The following MAN1A2 variants were observed in gnomAD, a reference collection of about 807,000 sequenced individuals.
MAN1A2 encodes mannosyl-oligosaccharide 1,2-alpha-mannosidase IB.
A neutral mutation model predicts 75.7 loss-of-function variants in MAN1A2; 26 were observed. That is an observed-to-expected ratio of 0.34 (90% CI 0.25 to 0.48). The LOEUF is 0.48. MAN1A2 is among the 20% of genes least tolerant of loss of function. MAN1A2 has a pLI of 0.99. For missense variants in MAN1A2, 562 were observed against 775.5 expected (o/e 0.72, Z 3.27); for synonymous variants, 247 against 264.6 (o/e 0.93, Z 0.65).
chr1:117,378,779 A>T (rs891076638), intron 1 of MAN1A2, among the ~76,000 whole-genome samples: 6 of 152,158 alleles, frequency 3.9e-5, no homozygotes, highest in Non-Finnish European at 8.8e-5. Context: ...TTCCCTGATT[A>T]CTAGAGGTGA....
At chr1:117,482,419 G>A (rs913384290) in intron 8 of MAN1A2, among the ~76,000 whole-genome samples, 2 of 151,992 alleles carry the variant, frequency 1.3e-5, no homozygotes, top group African/African-American at 2.4e-5. Context: ...TCTAACTTGC[G>A]TGAGATGGTA....
intron 1 of MAN1A2, among the ~76,000 whole-genome samples, chr1:117,377,375 T>C (rs1013523645): frequency 6.6e-6 from 1 of 152,248 alleles, no homozygotes; most frequent in Admixed American, 6.5e-5. Context: ...TTGGTGTAAA[T>C]GTAAATTAAT....
intron 5 of MAN1A2, among the ~76,000 whole-genome samples, chr1:117,439,103 C>T (rs531493791): frequency 3.6e-4 from 55 of 152,110 alleles, no homozygotes; most frequent in African/African-American, 1.0e-3. Flanking sequence ...GACAGTGAAA[C>T]GAAAACATAC....
intron 1 of MAN1A2, among the ~76,000 whole-genome samples, chr1:117,370,373 G>A (rs904441169): frequency 6.6e-6 from 1 of 152,154 alleles, no homozygotes; most frequent in Non-Finnish European, 1.5e-5. Flanking sequence ...TTCGGTTCCT[G>A]AGTTTTGGAA....
At chr1:117,396,421 A>G (rs1298937765) in intron 1 of MAN1A2, among the ~76,000 whole-genome samples, 2 of 152,230 alleles carry the variant, frequency 1.3e-5, no homozygotes, top group Non-Finnish European at 2.9e-5. Context: ...GATCTTTACA[A>G]ATGAAAGTCT....
chr1:117,480,766 A>G (rs548510527), intron 8 of MAN1A2, among the ~76,000 whole-genome samples: 132 of 151,996 alleles, frequency 8.7e-4, no homozygotes, highest in Non-Finnish European at 1.6e-3. Flanking sequence ...TTCCCTCTGA[A>G]CAACATGAAA....
At chr1:117,521,968 G>C (rs540865612) in intron 12 of MAN1A2, among the ~76,000 whole-genome samples, 1 of 151,892 alleles carries the variant, frequency 6.6e-6, no homozygotes, top group Non-Finnish European at 1.5e-5. Context: ...ACTGATATGT[G>C]GGAGCTAAGC....
At chr1:117,383,452 A>G (rs1351830518) in intron 1 of MAN1A2, among the ~76,000 whole-genome samples, 2 of 152,184 alleles carry the variant, frequency 1.3e-5, no homozygotes, top group Non-Finnish European at 2.9e-5. Context: ...TTTGGTATCA[A>G]GATAATTACT....
At chr1:117,416,319 T>C (rs1310022588) in intron 4 of MAN1A2, among the ~76,000 whole-genome samples, 1 of 152,186 alleles carries the variant, frequency 6.6e-6, no homozygotes, top group African/African-American at 2.4e-5. Context: ...GCTTGATGTC[T>C]GTATCTGAAT....
chr1:117,388,510 A>G (rs897159339), intron 1 of MAN1A2, among the ~76,000 whole-genome samples: 1 of 152,154 alleles, frequency 6.6e-6, no homozygotes, highest in African/African-American at 2.4e-5. Context: ...GAAGCTCATA[A>G]TTGTGGCAGA....
At chr1:117,421,142 A>G (rs528513901) in intron 5 of MAN1A2, among the ~76,000 whole-genome samples, 1 of 152,168 alleles carries the variant, frequency 6.6e-6, no homozygotes, top group Admixed American at 6.5e-5. Context: ...TTGAGACCTA[A>G]GGTGATGGAG....
At chr1:117,514,871 C>G in intron 12 of MAN1A2, 1 of 532,990 alleles carries the variant, frequency 1.9e-6, no homozygotes, top group Non-Finnish European at 3.9e-6. Context: ...CATGAGAGAA[C>G]TGTTTTTCCA....
At chr1:117,418,196 G>A (rs548539986) in intron 4 of MAN1A2, among the ~76,000 whole-genome samples, 1 of 152,116 alleles carries the variant, frequency 6.6e-6, no homozygotes, top group African/African-American at 2.4e-5. Flanking sequence ...AATGCAACAG[G>A]CACTGTTCTA....
chr1:117,458,523 A>ATATTTTTTT (rs1553236643), intron 6 of MAN1A2, among the ~76,000 whole-genome samples: 2 of 105,610 alleles, frequency 1.9e-5, no homozygotes, highest in African/African-American at 3.5e-5. Context: ...ATATATATAT[A>ATATTTTTTT]TTTTTTTTTT....
At position 117,367,758 on chromosome 1, in the gene MAN1A2, A is replaced by C. The variant is rs1317561093; in HGVS notation, c.-426A>C. On this transcript the variant is annotated 5_prime_UTR_variant, in exon 1 of 13. Transcript: ENST00000356554. ...GATTCTGGAATAGAAGCGTCGAAGG[A>C]GATCAAGTGAACCTTCTACAACTCC... The C allele has an allele frequency of 6.2e-6, 1 of 160,686 alleles. No individual in the cohort carries two copies. The highest frequency in any genetic ancestry group is 1.8e-4 in the East Asian group (1 of 5,406). The allele number at this position is 160,686 out of a possible 1,614,324, so 10.0% of individuals were successfully genotyped here.
chr1:117,458,582 G>A (rs182625182), intron 6 of MAN1A2, among the ~76,000 whole-genome samples: 1,934 of 141,870 alleles, frequency 0.014, 23 homozygotes, highest in Non-Finnish European at 0.021. Flanking sequence ...AGAATGCAAT[G>A]GCGCAATCTT....
At chr1:117,439,133 A>G (rs1396193500) in intron 5 of MAN1A2, among the ~76,000 whole-genome samples, 2 of 152,196 alleles carry the variant, frequency 1.3e-5, no homozygotes, top group South Asian at 2.1e-4. Flanking sequence ...TTAGAGAACA[A>G]CAAAAGAGGC....
intron 8 of MAN1A2, among the ~76,000 whole-genome samples, chr1:117,488,230 G>A (rs956700194): frequency 2.9e-5 from 4 of 135,932 alleles, no homozygotes; most frequent in Non-Finnish European, 6.4e-5. Flanking sequence ...TTTTTTTCTT[G>A]AGACAGAGTC....
At chr1:117,473,592 A>C (rs146205731) in intron 8 of MAN1A2, among the ~76,000 whole-genome samples, 1 of 151,852 alleles carries the variant, frequency 6.6e-6, no homozygotes, top group Non-Finnish European at 1.5e-5. Context: ...CTCCAACTAC[A>C]TTGGCCTTCT....
Sources: gnomAD v4.1 joint callset for allele counts (sites outside exome capture counted in the v4.1 genomes callset) on GRCh38, gnomAD v4.1.1 for gene constraint, MANE v1.5 for transcripts, NCBI Gene and HGNC (gene_info 2026-07-23, HGNC 2026-07-21) for gene names.